NUMA1: variants seen among roughly 807,000 people sequenced by gnomAD.
The protein encoded by NUMA1 is nuclear mitotic apparatus protein 1, also known as SP-H antigen.
A neutral mutation model predicts 237.1 loss-of-function variants in NUMA1; 62 were observed. That is an observed-to-expected ratio of 0.26 (90% confidence interval 0.21 to 0.32). NUMA1 has a LOEUF of 0.32. Among genes scored for constraint, NUMA1 ranks in the 10% least tolerant of loss-of-function variants. NUMA1 has a pLI of 1.00. For missense variants in NUMA1, 2,533 were observed against 2,666.5 expected (o/e 0.95, Z 1.10); for synonymous variants, 1,028 against 1,066.1 (o/e 0.96, Z 0.70).
intron 2 of NUMA1, among the ~76,000 whole-genome samples, chr11:72,061,563 T>A (rs1420126031): frequency 6.9e-6 from 1 of 144,182 alleles, no homozygotes; most frequent in East Asian, 2.0e-4. Flanking sequence ...CAATCACAGT[T>A]TACCACAGCC....
Position 72,003,379 on chromosome 11 carries a change from C to T in NUMA1, c.*148G>A, listed in dbSNP as rs552457611. On this transcript the variant is annotated 3_prime_UTR_variant, in exon 27 of 27. Transcript: ENST00000393695. The stretch of plus-strand genomic sequence containing the variant: ...GCCAGTGAAGGACCAGGGACCAGGC[C>T]AGGGTGCGGGCAGGCATCACTGTCT... The T allele has an allele frequency of 1.3e-6, 1 of 783,708 alleles. No individual in the cohort carries two copies. The highest frequency in any genetic ancestry group is 1.6e-5 in the South Asian group (1 of 64,188). The allele number at this position is 783,708 out of a possible 1,614,324, so 48.5% of individuals were successfully genotyped here.
chr11:72,012,896 T>C lies in NUMA1; in HGVS notation c.4607A>G (p.Gln1536Arg). The change falls in exon 15 of 27, where the codon CAG (glutamine) becomes CGG (arginine). Residue 1536 changes from glutamine to arginine, a missense_variant and splice_region_variant. Coordinates refer to ENST00000393695, the MANE Select transcript of NUMA1 (RefSeq NM_006185.4). ...GGGTGGTTGGGCTGAGTACCTTACC[T>C]GGGCAGTGAGTTTCTGCCTCTCTTC... ...FQEERQKLTAQVEQLEVFQRE... is the reference protein window; with the variant it reads ...FQEERQKLTARVEQLEVFQRE... 6.2e-7 allele frequency: 1 copy of C among 1,613,598 alleles called. No individual in the cohort carries two copies. The highest frequency in any genetic ancestry group is 8.5e-7 in the Non-Finnish European group (1 of 1,179,674).
chr11:72,037,859 TATC>T (rs1941222063), intron 2 of NUMA1, among the ~76,000 whole-genome samples: 1 of 152,096 alleles, frequency 6.6e-6, no homozygotes, highest in African/African-American at 2.4e-5. Context: ...CTTGGATAAT[TATC>T]ATCAAGTATA....
chr11:72,031,772 C>T lies in NUMA1; in HGVS notation c.43-2482G>A, dbSNP rs190560138. 1.6e-4 allele frequency among the ~76,000 whole-genome samples: 25 copies of T among 152,034 alleles called. No homozygotes were observed. In the East Asian group the frequency reaches 3.7e-3, roughly 22 times the overall value. ...AAGGCTACAGCGAGCTATGATCACA[C>T]CACTGCACTCTAGCCTGGCCAACGG... On this transcript the variant is annotated intron_variant, in intron 3 of 26. Coordinates refer to ENST00000393695, the MANE Select transcript of NUMA1 (RefSeq NM_006185.4).
chr11:72,034,925 T>C (rs1734111826), intron 3 of NUMA1, among the ~76,000 whole-genome samples: 1 of 152,340 alleles, frequency 6.6e-6, no homozygotes, highest in African/African-American at 2.4e-5. Context: ...GGTGCAATCA[T>C]GGCTCACTGC....
intron 26 of NUMA1, 81 bp from the exon 27 acceptor site, chr11:72,003,619 C>T: frequency 6.5e-7 from 1 of 1,549,926 alleles, no homozygotes. Flanking sequence ...TCTCTTCCTG[C>T]TCCCACGCCC....
chr11:72,020,516 T>C (rs1184896118), intron 8 of NUMA1: 3 of 152,240 alleles, frequency 2.0e-5, no homozygotes, highest in Non-Finnish European at 4.4e-5. Flanking sequence ...TATCATTATT[T>C]CCTGGTTTAT....
chr11:72,072,333 G>C (rs1660609676), intron 1 of NUMA1: 1 of 154,666 alleles, frequency 6.5e-6, no homozygotes, highest in South Asian at 2.0e-4. Flanking sequence ...TGCAAAACAA[G>C]TGTCTCTGGC....
intron 2 of NUMA1, chr11:72,066,583 C>T (rs1943212013): frequency 6.6e-6 from 1 of 152,118 alleles, no homozygotes; most frequent in Non-Finnish European, 1.5e-5. Context: ...CATTAAATGC[C>T]CTGTCTCCTA....
Position 72,013,375 on chromosome 11 carries a change from A to T in NUMA1, c.4128T>A (p.Ala1376=). 9.9e-6 allele frequency: 16 copies of T among 1,611,068 alleles called. No individual in the cohort carries two copies. The highest frequency in any genetic ancestry group is 1.4e-5 in the Non-Finnish European group (16 of 1,179,878). ...LCQQLQAEQA[A]AEKRHREELE... is the part of the protein sequence containing the mutation. ...GCTCCTCACGGTGGCGTTTCTCGGC[A>T]GCGGCCTGCTCGGCCTGCAGCTGCT... The change falls in exon 15 of 27, where the codon GCT becomes GCA. Residue 1376 remains alanine (A), a synonymous_variant. Coordinates refer to ENST00000393695, the MANE Select transcript of NUMA1 (RefSeq NM_006185.4). The surrounding 1 kb of genome is among the most constrained non-coding windows in gnomAD (Gnocchi z 6.8).
chr11:72,073,938 T>C (rs983901287), intron 1 of NUMA1, among the ~76,000 whole-genome samples: 2 of 152,134 alleles, frequency 1.3e-5, no homozygotes, highest in African/African-American at 4.8e-5. Flanking sequence ...AGGCCTGTAA[T>C]CCCAGCACTT....
chr11:72,033,077 C>T (rs1214290100), intron 3 of NUMA1, among the ~76,000 whole-genome samples: 2 of 152,034 alleles, frequency 1.3e-5, no homozygotes, highest in Non-Finnish European at 2.9e-5. Context: ...TGCATTATTT[C>T]ATGCTACTAC....
chr11:72,010,684 G>A, intron 17 of NUMA1, 102 bp downstream of exon 17: 1 of 1,129,864 alleles, frequency 8.9e-7, no homozygotes, highest in Non-Finnish European at 1.3e-6. Flanking sequence ...CTGGAATGCA[G>A]GGTGCCCCTC....
At chr11:72,021,973 A>C (rs964836957) in intron 7 of NUMA1, among the ~76,000 whole-genome samples, 4 of 149,182 alleles carry the variant, frequency 2.7e-5, no homozygotes, top group Non-Finnish European at 5.9e-5. Flanking sequence ...AGAGGAAAGG[A>C]TGAGATAAAT....
rs750482086 is a variant in NUMA1 at position 72,009,321 on chromosome 11, G to C, written c.4786C>G (p.Leu1596Val). ...AQRLQAQLNE[L>V]QAQLSQKEQA... ...TCCTTCTGGCTCAACTGGGCTTGCAGTTCATTCAGCTGGGCCTGGAGGCGC... is the reference window on the plus strand; with the variant it reads ...TCCTTCTGGCTCAACTGGGCTTGCACTTCATTCAGCTGGGCCTGGAGGCGC... Residue 1596 changes from leucine to valine, a missense_variant, in exon 18 of 27, where the codon CTG becomes GTG. Transcript: ENST00000393695. 6.2e-7 allele frequency: 1 copy of C among 1,613,554 alleles called. No individual in the cohort carries two copies. Among genetic ancestry groups the C allele is most frequent in the Middle Eastern group, 1.7e-4 (1 of 6,024 alleles).
chr11:72,047,515 G>C (rs1424640332), intron 2 of NUMA1, among the ~76,000 whole-genome samples: 1 of 151,840 alleles, frequency 6.6e-6, no homozygotes, highest in Non-Finnish European at 1.5e-5. Context: ...AAACAAATAA[G>C]TACTAGGAGA....
chr11:72,011,156 T>C (rs1162176491), intron 16 of NUMA1, among the ~76,000 whole-genome samples: 1 of 152,144 alleles, frequency 6.6e-6, no homozygotes, highest in Non-Finnish European at 1.5e-5. Context: ...GAATTGACTC[T>C]GGGGAGCCGA....
In NUMA1 at chr11:72,003,988, T is replaced by C; in HGVS notation, c.6235A>G (p.Asn2079Asp). ...SKKALSKASP[N>D]TRSGTRRSPR... ...GAACGGCGGGTTCCACTGCGAGTGT[T>C]GGGGGAAGCCTTGGACAGGGCCTTC... The change falls in exon 26 of 27, where the codon AAC becomes GAC. Residue 2079 changes from asparagine to aspartate, a missense_variant. Asn to Asp is a conservative substitution (Grantham distance 23). Coordinates refer to ENST00000393695, the MANE Select transcript of NUMA1 (RefSeq NM_006185.4). The C allele has an allele frequency of 6.2e-7, 1 of 1,613,110 alleles. No individual in the cohort carries two copies. Among genetic ancestry groups the C allele is most frequent in the Non-Finnish European group, 8.5e-7 (1 of 1,179,564 alleles).
In NUMA1 at chr11:72,040,504, ACACACACT is replaced by A. The variant is rs1941552369; in HGVS notation, c.-32-4537_-32-4530del. On this transcript the variant is annotated intron_variant, in intron 2 of 26. Coordinates refer to ENST00000393695, the MANE Select transcript of NUMA1 (RefSeq NM_006185.4). Reference sequence around the variant, plus strand: ...CACACACACACACACACACACACACACACACACTGACCTGGGCCCCCCACCACTATATT... The same window carrying A: ...CACACACACACACACACACACACACAGACCTGGGCCCCCCACCACTATATT... 4 of 83,574 alleles carry A rather than the reference ACACACACT, an allele frequency of 4.8e-5. No homozygotes were observed. In the South Asian group the frequency reaches 1.8e-3, roughly 37 times the overall value. The allele number at this position is 83,574 out of a possible 1,614,324, so 5.2% of individuals were successfully genotyped here. A position where few individuals can be genotyped will look rare whatever the true frequency, so the allele number is the denominator to read the frequency against.
Sources: allele counts gnomAD v4.1 joint callset (sites outside exome capture counted in the v4.1 genomes callset), GRCh38; gene constraint gnomAD v4.1.1; non-coding constraint Gnocchi (gnomAD v3.1); transcripts MANE v1.5; gene names NCBI Gene and HGNC (gene_info 2026-07-23, HGNC 2026-07-21).